The following TMEM232 variants were observed in gnomAD, a reference collection of about 807,000 sequenced individuals.
The protein encoded by TMEM232 is transmembrane protein 232.
Under a neutral mutation model 78.8 loss-of-function variants are expected in TMEM232, and 80 were observed. The observed-to-expected ratio is 1.01, with a 90% confidence interval of 0.85 to 1.22. TMEM232 has a LOEUF of 1.22. TMEM232 is among the 50% of genes most tolerant of loss of function. The pLI, the probability that TMEM232 is intolerant of heterozygous loss-of-function variation, is 0.00. For missense variants in TMEM232, 881 were observed against 742.2 expected (o/e 1.19, Z -2.17); for synonymous variants, 297 against 254.3 (o/e 1.17, Z -1.60).
chr5:110,525,168 G>GA (rs756779219), intron 12 of TMEM232, among the ~76,000 whole-genome samples: 151 of 116,978 alleles, frequency 1.3e-3, no homozygotes, highest in South Asian at 3.3e-3. Context: ...GTAACAATAA[G>GA]AAAAAAAAAA....
chr5:110,534,473 A>G (rs560618108), intron 11 of TMEM232, among the ~76,000 whole-genome samples: 2 of 152,308 alleles, frequency 1.3e-5, no homozygotes, highest in South Asian at 4.1e-4. Context: ...AGTACAGCCC[A>G]TTTAAGCTCC....
At chr5:110,599,821 T>C (rs1780670562) in intron 10 of TMEM232, among the ~76,000 whole-genome samples, 1 of 152,224 alleles carries the variant, frequency 6.6e-6, no homozygotes, top group South Asian at 2.1e-4. Flanking sequence ...GTGGACCTAA[T>C]AGACATCTAC....
At chr5:110,656,762 C>T (rs1166812665) in intron 2 of TMEM232, among the ~76,000 whole-genome samples, 1 of 151,458 alleles carries the variant, frequency 6.6e-6, no homozygotes, top group Non-Finnish European at 1.5e-5. Context: ...GGCATGAACC[C>T]AGGAGGCGGA....
At chr5:110,678,481 CAG>C (rs1220201131) in intron 1 of TMEM232, among the ~76,000 whole-genome samples, 2 of 152,120 alleles carry the variant, frequency 1.3e-5, no homozygotes, top group Non-Finnish European at 2.9e-5. Context: ...ACATCTGGAC[CAG>C]AATGGTACAT....
At chr5:110,541,311 G>A (rs1055398359) in intron 11 of TMEM232, among the ~76,000 whole-genome samples, 2 of 152,148 alleles carry the variant, frequency 1.3e-5, no homozygotes, top group Non-Finnish European at 2.9e-5. Flanking sequence ...CAGAGGAGAG[G>A]AGCTTATCCA....
intron 2 of TMEM232, among the ~76,000 whole-genome samples, chr5:110,658,739 G>A (rs576897642): frequency 6.6e-6 from 1 of 152,156 alleles, no homozygotes; most frequent in African/African-American, 2.4e-5. Context: ...AGGGTTAATT[G>A]GTAGGCATAG....
chr5:110,528,688 A>T lies in TMEM232; in HGVS notation c.1603T>A (p.Phe535Ile). The T allele has an allele frequency of 6.5e-7, 1 of 1,535,202 alleles. No individual in the cohort carries two copies. The highest frequency in any genetic ancestry group is 8.7e-7 in the Non-Finnish European group (1 of 1,146,452). The change falls in exon 12 of 14, where the codon TTT becomes ATT. Residue 535 changes from phenylalanine (F) to isoleucine (I), a missense_variant. By Grantham distance (21) the Phe-to-Ile change is conservative. Transcript: ENST00000455884. ...ATTGATGGTTTCTTCAAAGGAAGAA[A>T]ATGGGCCTCAATGGGGGGAAAGAAT... ...KLFFPPIEAH[F>I]LPLKKPSIKK... is the part of the protein sequence containing the mutation.
chr5:110,401,283 C>CTTTTTTTTTTTTTTTTT lies in TMEM232; in HGVS notation n.309-3430_309-3429insAAAAAAAAAAAAAAAAA, dbSNP rs1278936876. ...GGCAACTTGACACAGACACAACATTCTTTTTTTTTTTGGAGCACTTAAGAT... is the reference window on the plus strand; with the variant it reads ...GGCAACTTGACACAGACACAACATTCTTTTTTTTTTTTTTTTTTTTTTTTTTTTGGAGCACTTAAGAT... On this transcript the variant is annotated intron_variant and non_coding_transcript_variant, in intron 2 of 8. Transcript: ENST00000507188. 1.2e-3 allele frequency among the ~76,000 whole-genome samples: 169 copies of CTTTTTTTTTTTTTTTTT among 143,928 alleles called. 1 individual carries two copies. Among genetic ancestry groups the CTTTTTTTTTTTTTTTTT allele is most frequent in the African/African-American group, 4.2e-3 (162 of 38,424 alleles). The allele number at this position is 143,928 out of a possible 152,430, so 94.4% of individuals were successfully genotyped here.
chr5:110,709,224 G>C (rs1301782443), intron 1 of TMEM232, among the ~76,000 whole-genome samples: 1 of 152,110 alleles, frequency 6.6e-6, no homozygotes, highest in African/African-American at 2.4e-5. Flanking sequence ...GGAGCACACA[G>C]ATACATAAGG....
At chr5:110,410,670 G>A (rs763992020) in intron 2 of TMEM232, among the ~76,000 whole-genome samples, 10 of 152,118 alleles carry the variant, frequency 6.6e-5, no homozygotes, top group Non-Finnish European at 1.3e-4. Context: ...GATGTTTATT[G>A]AGAACTACGT....
intron 5 of TMEM232, among the ~76,000 whole-genome samples, chr5:110,637,287 C>A (rs559774840): frequency 2.6e-5 from 4 of 151,522 alleles, no homozygotes; most frequent in East Asian, 1.9e-4. Flanking sequence ...CCTCCATCTA[C>A]GCAAAGCTCA....
intron 1 of TMEM232, among the ~76,000 whole-genome samples, chr5:110,670,175 A>C (rs1791167863): frequency 6.6e-6 from 1 of 152,202 alleles, no homozygotes; most frequent in South Asian, 2.1e-4. Flanking sequence ...TCAATTAGGA[A>C]AAGAGGAAGT....
At chr5:110,678,980 T>G (rs372570581) in intron 1 of TMEM232, among the ~76,000 whole-genome samples, 3 of 152,312 alleles carry the variant, frequency 2.0e-5, no homozygotes, top group South Asian at 4.1e-4. Flanking sequence ...GCTAAAACAT[T>G]CATGTGCAGG....
At chr5:110,472,019 T>C (rs1432879230) in intron 12 of TMEM232, among the ~76,000 whole-genome samples, 1 of 152,032 alleles carries the variant, frequency 6.6e-6, no homozygotes, top group Non-Finnish European at 1.5e-5. Flanking sequence ...TAGACACTTC[T>C]ATTCAACATA....
intron 12 of TMEM232, among the ~76,000 whole-genome samples, chr5:110,452,462 C>A (rs1267809379): frequency 1.3e-5 from 2 of 152,032 alleles, no homozygotes; most frequent in African/African-American, 4.8e-5. Context: ...GTTCTGTGTG[C>A]ACAAAGAAAA....
In TMEM232 at chr5:110,701,121, T is replaced by C. The variant is rs555774068; in HGVS notation, c.-13+25506A>G. 2.6e-5 allele frequency among the ~76,000 whole-genome samples: 4 copies of C among 152,048 alleles called. No homozygotes were observed. The East Asian group carries it at 7.7e-4, about 29-fold the overall frequency. On this transcript the variant is annotated intron_variant, in intron 1 of 13. Coordinates refer to ENST00000455884, the MANE Select transcript of TMEM232 (RefSeq NM_001039763.4). ...TCTTCTCAAAAAGAAGGAAAATGAT[T>C]TTGGAAATGACTGAAAAAGAACTGA... is the stretch of plus-strand genomic sequence containing the variant.
Position 110,578,318 on chromosome 5 carries a change from A to C in TMEM232, c.1277-9693T>G, listed in dbSNP as rs527924999. On this transcript the variant is annotated intron_variant, in intron 10 of 13. Coordinates refer to ENST00000455884, the MANE Select transcript of TMEM232 (RefSeq NM_001039763.4). The stretch of plus-strand genomic sequence containing the variant: ...TATTCCAGGGGCAACAAGGAAATAA[A>C]GAAGAAAATAACAAAAATGTTCTTG... 9.2e-5 allele frequency among the ~76,000 whole-genome samples: 14 copies of C among 152,198 alleles called. No individual in the cohort carries two copies. The South Asian group carries it at 2.9e-3, about 32-fold the overall frequency.
At chr5:110,526,904 G>T (rs1164935425) in intron 12 of TMEM232, among the ~76,000 whole-genome samples, 1 of 151,830 alleles carries the variant, frequency 6.6e-6, no homozygotes, top group African/African-American at 2.4e-5. Context: ...CCATGTACTG[G>T]AATGGAAAAA....
intron 11 of TMEM232, among the ~76,000 whole-genome samples, chr5:110,553,241 G>A (rs1028704134): frequency 6.6e-6 from 1 of 151,910 alleles, no homozygotes; most frequent in African/African-American, 2.4e-5. Flanking sequence ...ATATGAATTT[G>A]AGAACTTTTT....
Sources: gnomAD v4.1 joint callset for allele counts (sites outside exome capture counted in the v4.1 genomes callset) on GRCh38, gnomAD v4.1.1 for gene constraint, MANE v1.5 for transcripts, NCBI Gene and HGNC (gene_info 2026-07-23, HGNC 2026-07-21) for gene names.